Variants in MACROD2 observed in about 807,000 individuals in gnomAD.
The protein encoded by MACROD2 is ADP-ribose glycohydrolase MACROD2.
In MACROD2, 36 loss-of-function variants were observed where a neutral mutation model predicts 70.4. That is an observed-to-expected ratio of 0.51 (90% CI 0.39 to 0.68). MACROD2 has a LOEUF of 0.68. Among genes scored for constraint, MACROD2 ranks in the 30% least tolerant of loss-of-function variants. The pLI, the probability that MACROD2 is intolerant of heterozygous loss-of-function variation, is 0.00. For synonymous variants in MACROD2, 172 were observed against 178.8 expected, an observed-to-expected ratio of 0.96 and a Z score of 0.30; for missense variants, 496 against 538.4, an observed-to-expected ratio of 0.92 and a Z score of 0.78.
At chr20:14,835,272 G>A (rs181139255) in intron 5 of MACROD2, among the ~76,000 whole-genome samples, 4 of 152,140 alleles carry the variant, frequency 2.6e-5, no homozygotes, top group Admixed American at 6.6e-5. Flanking sequence ...GAGGATACAT[G>A]AAGACATATA....
rs549176849 is a variant in MACROD2, at chr20:14,789,590, C to T, written c.418+104631C>T. Among the ~76,000 whole-genome samples, 4 of 148,798 alleles carry T rather than the reference C, an allele frequency of 2.7e-5. No individual in the cohort carries two copies. The South Asian group carries it at 8.5e-4, about 32-fold the overall frequency. ...TCCCAGGTTCATGCGATTCTCCTGC[C>T]TCAGCTTCCTGAGTAGCTGAGATTA... On this transcript the variant is annotated intron_variant, in intron 5 of 17. Transcript: ENST00000684519.
chr20:14,530,002 AT>A (rs1469861639), intron 4 of MACROD2, among the ~76,000 whole-genome samples: 1 of 152,200 alleles, frequency 6.6e-6, no homozygotes, highest in Non-Finnish European at 1.5e-5. Flanking sequence ...AGGGGAAGTG[AT>A]ACAAGGATAT....
intron 3 of MACROD2, chr20:14,325,442 C>CTTTGTCACCTAAACCATG: frequency 1.8e-6 from 2 of 1,100,562 alleles, no homozygotes; most frequent in Non-Finnish European, 2.6e-6. Context: ...ATGTACAGTA[C>CTTTGTCACCTAAACCATG]ATTGCTTTTT....
chr20:15,678,511 C>T (rs528950755), intron 8 of MACROD2, among the ~76,000 whole-genome samples: 14 of 152,186 alleles, frequency 9.2e-5, no homozygotes, highest in Non-Finnish European at 1.8e-4. Context: ...AGGCGCCCGC[C>T]ACCATGCCTG....
chr20:15,912,324 A>C (rs1277228220), intron 10 of MACROD2, among the ~76,000 whole-genome samples: 1 of 152,174 alleles, frequency 6.6e-6, no homozygotes, highest in Non-Finnish European at 1.5e-5. Flanking sequence ...AAATTAGGAA[A>C]CGTTGGGTCT....
chr20:15,339,728 T>C (rs2078086883), intron 6 of MACROD2, among the ~76,000 whole-genome samples: 1 of 151,824 alleles, frequency 6.6e-6, no homozygotes, highest in African/African-American at 2.4e-5. Context: ...TATGGAACAC[T>C]TAGAAAATTT....
intron 12 of MACROD2, among the ~76,000 whole-genome samples, chr20:15,962,497 T>C (rs1403543972): frequency 1.3e-5 from 2 of 152,212 alleles, no homozygotes; most frequent in African/African-American, 4.8e-5. Flanking sequence ...AATATCACCT[T>C]CAATGTAAGA....
At chr20:15,790,072 C>A (rs1288658921) in intron 8 of MACROD2, among the ~76,000 whole-genome samples, 1 of 151,920 alleles carries the variant, frequency 6.6e-6, no homozygotes, top group Non-Finnish European at 1.5e-5. Context: ...AGTAATGCAG[C>A]CTCCAAATTT....
At chr20:15,905,103 C>G (rs950584872) in intron 10 of MACROD2, among the ~76,000 whole-genome samples, 2 of 152,166 alleles carry the variant, frequency 1.3e-5, no homozygotes, top group East Asian at 1.9e-4. Context: ...CCATCATATT[C>G]ATGAAAATTG....
chr20:15,856,801 C>T (rs2147155297), intron 8 of MACROD2, among the ~76,000 whole-genome samples: 1 of 152,264 alleles, frequency 6.6e-6, no homozygotes, highest in South Asian at 2.1e-4. Flanking sequence ...AGTTTATTGA[C>T]AGCTTGTTCA....
intron 4 of MACROD2, among the ~76,000 whole-genome samples, chr20:14,525,420 AC>A (rs1568654135): frequency 6.6e-6 from 1 of 152,252 alleles, no homozygotes; most frequent in Non-Finnish European, 1.5e-5. Context: ...TGCGTTAGTT[AC>A]TATATTGTCA....
chr20:14,949,349 A>C (rs572175943), intron 5 of MACROD2, among the ~76,000 whole-genome samples: 1 of 152,300 alleles, frequency 6.6e-6, no homozygotes, highest in African/African-American at 2.4e-5. Context: ...TCTTTAAAAT[A>C]AGTGTGTTAT....
chr20:15,061,002 T>C (rs943106831), intron 5 of MACROD2, among the ~76,000 whole-genome samples: 1 of 152,156 alleles, frequency 6.6e-6, no homozygotes, highest in Non-Finnish European at 1.5e-5. Context: ...AGGCACCCTG[T>C]ATGGGTGAAA....
chr20:14,742,773 A>ATTTTATT (rs761270479), intron 5 of MACROD2, among the ~76,000 whole-genome samples: 1 of 146,484 alleles, frequency 6.8e-6, no homozygotes, highest in Non-Finnish European at 1.5e-5. Context: ...ATTTTATTTT[A>ATTTTATT]TTTTTTTTTT....
intron 3 of MACROD2, among the ~76,000 whole-genome samples, chr20:14,135,529 C>T (rs1354408632): frequency 2.0e-5 from 3 of 151,812 alleles, no homozygotes; most frequent in Non-Finnish European, 4.4e-5. Flanking sequence ...AATAAATTAG[C>T]TGGGCATGGT....
At chr20:14,918,617 G>GTTTTTTTTT (rs201821065) in intron 5 of MACROD2, among the ~76,000 whole-genome samples, 16 of 127,772 alleles carry the variant, frequency 1.3e-4, no homozygotes, top group Non-Finnish European at 1.4e-4. Context: ...TGTTTTTTTT[G>GTTTTTTTTT]TTTTTTTTTT....
At chr20:15,412,480 T>C (rs756367548) in intron 6 of MACROD2, among the ~76,000 whole-genome samples, 5 of 152,174 alleles carry the variant, frequency 3.3e-5, no homozygotes, top group Non-Finnish European at 5.9e-5. Flanking sequence ...CATCAGCACA[T>C]TGCAGGCTAA....
intron 3 of MACROD2, among the ~76,000 whole-genome samples, chr20:14,269,312 A>C (rs1319765231): frequency 6.6e-6 from 1 of 152,210 alleles, no homozygotes; most frequent in African/African-American, 2.4e-5. Context: ...GAATATCTCC[A>C]ATTTAATTGG....
chr20:14,238,363 C>A (rs75007600), intron 3 of MACROD2, among the ~76,000 whole-genome samples: 14 of 152,084 alleles, frequency 9.2e-5, no homozygotes, highest in African/African-American at 3.4e-4. Flanking sequence ...AACATCCATT[C>A]AGGTTAGAAA....
Sources: gnomAD v4.1 joint callset for allele counts (sites outside exome capture counted in the v4.1 genomes callset) on GRCh38, gnomAD v4.1.1 for gene constraint, MANE v1.5 for transcripts, NCBI Gene and HGNC (gene_info 2026-07-23, HGNC 2026-07-21) for gene names.